The following SLC25A48 variants were observed in gnomAD, a reference collection of about 807,000 sequenced individuals.
SLC25A48 encodes CTC-321K16.1.
Under a neutral mutation model 32.2 loss-of-function variants are expected in SLC25A48, and 29 were observed. The ratio of observed to expected loss-of-function variants is 0.90; its 90% CI spans 0.67 to 1.23. The LOEUF is 1.23. SLC25A48 is among the 50% of genes most tolerant of loss of function. The pLI, the probability that SLC25A48 is intolerant of heterozygous loss-of-function variation, is 0.00. For missense variants in SLC25A48, 399 were observed against 422.7 expected (o/e 0.94, Z 0.49); for synonymous variants, 164 against 172.3 (o/e 0.95, Z 0.38).
intron 3 of SLC25A48, among the ~76,000 whole-genome samples, chr5:135,791,165 A>G (rs945951003): frequency 2.0e-5 from 3 of 151,612 alleles, no homozygotes; most frequent in African/African-American, 7.3e-5. Context: ...ATGACTTCTA[A>G]TATCACACTG....
intron 4 of SLC25A48, among the ~76,000 whole-genome samples, chr5:135,815,123 T>C (rs1757683667): frequency 6.6e-6 from 1 of 152,190 alleles, no homozygotes; most frequent in Non-Finnish European, 1.5e-5. Context: ...TCACAGCATC[T>C]GTGAGGTGGA....
chr5:135,626,118 C>T (rs1485128637), intron 1 of SLC25A48, among the ~76,000 whole-genome samples: 1 of 152,216 alleles, frequency 6.6e-6, no homozygotes, highest in Non-Finnish European at 1.5e-5. Context: ...CTCAGCATGG[C>T]GAGGCTGGGA....
chr5:135,621,890 G>A (rs866294448), intron 1 of SLC25A48, among the ~76,000 whole-genome samples: 8 of 151,892 alleles, frequency 5.3e-5, no homozygotes, highest in Admixed American at 2.6e-4. Flanking sequence ...GGTGAATTAA[G>A]GAATAAATGT....
chr5:135,667,088 T>G (rs1291670078), intron 3 of SLC25A48, among the ~76,000 whole-genome samples: 3 of 152,188 alleles, frequency 2.0e-5, no homozygotes, highest in Non-Finnish European at 2.9e-5. Context: ...CTTTATTCAC[T>G]TTGCCCTGAG....
chr5:135,693,834 G>A (rs904391024), intron 3 of SLC25A48, among the ~76,000 whole-genome samples: 2 of 152,194 alleles, frequency 1.3e-5, no homozygotes, highest in Non-Finnish European at 2.9e-5. Context: ...GGCCTGCTGG[G>A]TCCCTGCCCC....
intron 3 of SLC25A48, among the ~76,000 whole-genome samples, chr5:135,699,731 A>G (rs1754347435): frequency 6.6e-6 from 1 of 152,234 alleles, no homozygotes; most frequent in East Asian, 1.9e-4. Context: ...TGTGTAGCAC[A>G]GTGATAGACT....
In SLC25A48 at chr5:135,667,562, C is replaced by G. The variant is rs183645518; in HGVS notation, c.-521+32606C>G. ...CTTTCTTGTTATTTTCTCTTAAAAACCCCCTACTCCCTTCCCTCTCTTTGG... is the reference window on the plus strand; with the variant it reads ...CTTTCTTGTTATTTTCTCTTAAAAAGCCCCTACTCCCTTCCCTCTCTTTGG... On this transcript the variant is annotated intron_variant, in intron 3 of 10. Coordinates refer to the SLC25A48 transcript ENST00000646290. 2.1e-3 allele frequency among the ~76,000 whole-genome samples: 314 copies of G among 152,234 alleles called. 2 individuals are homozygous for G. Among genetic ancestry groups the G allele is most frequent in the African/African-American group, 7.3e-3 (304 of 41,546 alleles).
At position 135,629,942 on chromosome 5, in the gene SLC25A48, C is replaced by G. The variant is rs1752518387; in HGVS notation, c.-709+566C>G. ...GGAGGAGAAACGGGCAAGGCACCAGCAGTGACTGCCACAGGTACCTGCCAC... is the reference window on the plus strand; with the variant it reads ...GGAGGAGAAACGGGCAAGGCACCAGGAGTGACTGCCACAGGTACCTGCCAC... On this transcript the variant is annotated intron_variant, in intron 2 of 10. Transcript: ENST00000646290. This position sits in a 1 kb window ranked among gnomAD's most constrained non-coding sequence, Gnocchi z 4.8. 6.6e-6 allele frequency among the ~76,000 whole-genome samples: 1 copy of G among 152,184 alleles called. No individual in the cohort carries two copies. Among genetic ancestry groups the G allele is most frequent in the African/African-American group, 2.4e-5 (1 of 41,446 alleles).
At chr5:135,667,629 G>T (rs565155987) in intron 3 of SLC25A48, among the ~76,000 whole-genome samples, 6 of 152,246 alleles carry the variant, frequency 3.9e-5, no homozygotes, top group African/African-American at 1.4e-4. Context: ...CTCCCAAATT[G>T]TGATTCCTAA....
At chr5:135,589,238 C>G (rs983395877) in intron 1 of SLC25A48, among the ~76,000 whole-genome samples, 1 of 152,224 alleles carries the variant, frequency 6.6e-6, no homozygotes, top group Non-Finnish European at 1.5e-5. Context: ...CAACTTCCAG[C>G]TAAATGATTT....
At chr5:135,689,987 C>T (rs1203551010) in intron 3 of SLC25A48, among the ~76,000 whole-genome samples, 5 of 152,200 alleles carry the variant, frequency 3.3e-5, no homozygotes, top group Admixed American at 1.3e-4. Flanking sequence ...GAGCAAGGGG[C>T]GCTGAGGAAA....
intron 1 of SLC25A48, among the ~76,000 whole-genome samples, chr5:135,606,596 G>A (rs1166504502): frequency 6.6e-6 from 1 of 152,132 alleles, no homozygotes; most frequent in African/African-American, 2.4e-5. Flanking sequence ...TTGGCTACAG[G>A]TCCCTGTCTA....
At chr5:135,694,556 G>A (rs1176556139) in intron 3 of SLC25A48, among the ~76,000 whole-genome samples, 1 of 152,050 alleles carries the variant, frequency 6.6e-6, no homozygotes, top group Non-Finnish European at 1.5e-5. Flanking sequence ...CCACGTGGAA[G>A]CCACATTGAT....
At chr5:135,595,091 A>G (rs1751613867) in intron 1 of SLC25A48, among the ~76,000 whole-genome samples, 2 of 152,150 alleles carry the variant, frequency 1.3e-5, no homozygotes, top group Admixed American at 6.5e-5. Context: ...CCTCATTTCC[A>G]AACAGTCCCT....
chr5:135,692,314 G>A (rs190523807), intron 3 of SLC25A48, among the ~76,000 whole-genome samples: 808 of 78,242 alleles, frequency 0.01, 12 homozygotes, highest in African/African-American at 0.036. Flanking sequence ...GCAAGACCCC[G>A]TCTCAAAAAA....
At chr5:135,864,207 C>T (rs189328396) in intron 4 of SLC25A48, among the ~76,000 whole-genome samples, 17 of 152,302 alleles carry the variant, frequency 1.1e-4, no homozygotes, top group South Asian at 2.1e-4. Context: ...AAAAACATTT[C>T]TCTAGTTTCC....
chr5:135,627,540 A>G (rs1752465345), intron 1 of SLC25A48, among the ~76,000 whole-genome samples: 1 of 151,650 alleles, frequency 6.6e-6, no homozygotes, highest in Admixed American at 6.6e-5. Context: ...CTCTTCCAAT[A>G]CTCTGGAACT....
intron 3 of SLC25A48, among the ~76,000 whole-genome samples, chr5:135,740,701 G>A (rs1755480412): frequency 6.6e-6 from 1 of 152,166 alleles, no homozygotes; most frequent in African/African-American, 2.4e-5. Context: ...CCATCTAGGG[G>A]GTGTTTGTGG....
rs552997271 is a variant in SLC25A48, at chr5:135,752,711, C to T, written c.-520-59812C>T. ...CAAAGTGATTTCAGGAGTAATATCT[C>T]CCTATGATATTAAGATTAATATCAC... On this transcript the variant is annotated intron_variant, in intron 3 of 10. Coordinates refer to the SLC25A48 transcript ENST00000646290. 2.9e-4 allele frequency among the ~76,000 whole-genome samples: 44 copies of T among 152,006 alleles called. 1 individual carries two copies. The South Asian group carries it at 8.5e-3, about 29-fold the overall frequency.
Sources: gnomAD v4.1 joint callset for allele counts (sites outside exome capture counted in the v4.1 genomes callset) on GRCh38, gnomAD v4.1.1 for gene constraint, Gnocchi (gnomAD v3.1) non-coding constraint, MANE v1.5 for transcripts, NCBI Gene and HGNC (gene_info 2026-07-23, HGNC 2026-07-21) for gene names.